KSR1: variants seen among roughly 807,000 people sequenced by gnomAD.
KSR1 encodes kinase suppressor of ras.
In KSR1, 35 loss-of-function variants were observed where a neutral mutation model predicts 92.9. The observed-to-expected ratio is 0.38, with a 90% CI of 0.29 to 0.50. The LOEUF is 0.50. Ranked by LOEUF, KSR1 falls within the 20% of genes least tolerant of loss-of-function variation. The probability of loss-of-function intolerance (pLI) is 0.94; values close to 1 mark genes in which losing one functional copy is unlikely to be tolerated. For missense variants in KSR1, 972 were observed against 1,158.5 expected (o/e 0.84, Z 2.34); for synonymous variants, 467 against 472.6 (o/e 0.99, Z 0.15).
intron 1 of KSR1, among the ~76,000 whole-genome samples, chr17:27,503,483 G>A (rs889751056): frequency 6.6e-6 from 1 of 152,192 alleles, no homozygotes. Context: ...CAAATCACTT[G>A]AGGTCAGAAG....
chr17:27,592,216 T>C (rs2073189634), intron 7 of KSR1, 145 bp from the exon 8 acceptor site: 1 of 680,146 alleles, frequency 1.5e-6, no homozygotes. Flanking sequence ...ATTAATATCA[T>C]GATGTTCTCT....
At chr17:27,572,967 G>A (rs1276642008) in intron 2 of KSR1, among the ~76,000 whole-genome samples, 1 of 152,164 alleles carries the variant, frequency 6.6e-6, no homozygotes, top group East Asian at 1.9e-4. Flanking sequence ...GAGTTGGGAG[G>A]TGGGGCACTT....
At chr17:27,510,923 G>A (rs542788934) in intron 1 of KSR1, among the ~76,000 whole-genome samples, 1 of 152,322 alleles carries the variant, frequency 6.6e-6, no homozygotes, top group South Asian at 2.1e-4. Context: ...CAGGAGCCAT[G>A]TAGCATGTTC....
chr17:27,620,076 C>T (rs2074182643), intron 19 of KSR1, among the ~76,000 whole-genome samples: 2 of 152,246 alleles, frequency 1.3e-5, no homozygotes, highest in East Asian at 1.9e-4. Flanking sequence ...GTTTTCTCTC[C>T]TGCAGAAGTC....
chr17:27,603,207 A>G (rs2073628413), intron 11 of KSR1, among the ~76,000 whole-genome samples: 1 of 152,212 alleles, frequency 6.6e-6, no homozygotes, highest in Non-Finnish European at 1.5e-5. Context: ...GATCAGCCCC[A>G]GCTGCCCACT....
chr17:27,585,571 C>T, intron 4 of KSR1, 86 bp from the exon 5 acceptor site: 2 of 721,752 alleles, frequency 2.8e-6, no homozygotes, highest in Non-Finnish European at 5.2e-6. Context: ...AGCCCCTTGC[C>T]TGCTCCCGCC....
At chr17:27,595,615 GC>G (rs1033317226) in intron 9 of KSR1, among the ~76,000 whole-genome samples, 15 of 113,134 alleles carry the variant, frequency 1.3e-4, no homozygotes, top group African/African-American at 5.2e-4. Flanking sequence ...CTCTCTCCCT[GC>G]CCCCCACTTT....
At chr17:27,563,708 G>C (rs950250013) in intron 2 of KSR1, among the ~76,000 whole-genome samples, 2 of 152,206 alleles carry the variant, frequency 1.3e-5, no homozygotes, top group Non-Finnish European at 2.9e-5. Flanking sequence ...CCACTGGCAG[G>C]AGAACGCATC....
chr17:27,507,200 C>T lies in KSR1; in HGVS notation c.232-43368C>T, dbSNP rs148558627. ...CTATAATTCCAGCACTTTGGGAGGCCGAGGCAGGCAGATTACGAGGTCAGG... is the reference window on the plus strand; with the variant it reads ...CTATAATTCCAGCACTTTGGGAGGCTGAGGCAGGCAGATTACGAGGTCAGG... On this transcript the variant is annotated intron_variant, in intron 1 of 20. Transcript: ENST00000644974. Among the ~76,000 whole-genome samples, 34 of 152,136 alleles carry T rather than the reference C, an allele frequency of 2.2e-4. No homozygotes were observed. The East Asian group carries it at 6.2e-3, about 28-fold the overall frequency.
chr17:27,625,334 A>G lies in KSR1; in HGVS notation c.*1942A>G, dbSNP rs1023196262. On this transcript the variant is annotated 3_prime_UTR_variant, in exon 21 of 21. Transcript: ENST00000644974. The stretch of plus-strand genomic sequence containing the variant: ...GCAGTGGGCATGCACAGGCCCACAG[A>G]AAGTCAGTCTGGGTTTTGCTTTTCT... The G allele has an allele frequency of 6.6e-6, 1 of 152,300 alleles. No homozygotes were observed. The highest frequency in any genetic ancestry group is 1.5e-5 in the Non-Finnish European group (1 of 68,076). 9.4% of individuals were successfully genotyped at this position (152,300 alleles called of 1,614,324 possible).
chr17:27,603,795 G>T lies in KSR1; in HGVS notation c.1511-39G>T, dbSNP rs780760903. 59 of 1,608,700 alleles carry T rather than the reference G, an allele frequency of 3.7e-5. No homozygotes were observed. In the Middle Eastern group the frequency reaches 9.9e-4, roughly 27 times the overall value. On this transcript the variant is annotated intron_variant, in intron 11 of 20. Coordinates refer to ENST00000644974, the MANE Select transcript of KSR1 (RefSeq NM_001394583.1). The stretch of plus-strand genomic sequence containing the variant: ...ACGGTGTCTCTTTGGGGAGAGGAAA[G>T]CAATCTCATGCTTTGTGTTTGGTTT...
intron 1 of KSR1, among the ~76,000 whole-genome samples, chr17:27,498,390 A>G (rs940248385): frequency 2.6e-5 from 4 of 152,022 alleles, no homozygotes; most frequent in African/African-American, 9.7e-5. Flanking sequence ...CTTACACACA[A>G]CTTGATGTGA....
Position 27,624,379 on chromosome 17 carries a change from C to T in KSR1, c.*987C>T, listed in dbSNP as rs2074296620. ...AAGGTTCTAGAACTGCCCACCTCTT[C>T]CATTTCAGTCCTGCTGAAACCCCTT... On this transcript the variant is annotated 3_prime_UTR_variant, in exon 21 of 21. Transcript: ENST00000644974. The T allele has an allele frequency of 6.6e-6, 1 of 152,344 alleles. No individual in the cohort carries two copies. The highest frequency in any genetic ancestry group is 2.4e-5 in the African/African-American group (1 of 41,474). 9.4% of individuals were successfully genotyped at this position (152,344 alleles called of 1,614,324 possible).
In KSR1 at chr17:27,592,450, C is replaced by T. The variant is rs2278626; in HGVS notation, c.1192+28C>T. 69 of 1,613,096 alleles carry T rather than the reference C, an allele frequency of 4.3e-5. 1 individual carries two copies. In the East Asian group the frequency reaches 1.3e-3, roughly 30 times the overall value. ...GAGTTTTCTGCCTTCCTCTCCTCTG[C>T]CTTCTGGATTTGGGTGAATCTTTAG... On this transcript the variant is annotated intron_variant, in intron 8 of 20. Transcript: ENST00000644974.
chr17:27,489,933 A>G (rs1049595319), intron 1 of KSR1, among the ~76,000 whole-genome samples: 3 of 152,232 alleles, frequency 2.0e-5, no homozygotes, highest in African/African-American at 4.8e-5. Flanking sequence ...GAAAGGGCTG[A>G]CCCAGAAGCT....
At chr17:27,580,741 G>A (rs574456602) in intron 3 of KSR1, among the ~76,000 whole-genome samples, 1 of 152,258 alleles carries the variant, frequency 6.6e-6, no homozygotes, top group Admixed American at 6.5e-5. Flanking sequence ...ATACAGGTGC[G>A]TCAGTCCCTT....
At chr17:27,532,623 G>C (rs929383533) in intron 1 of KSR1, among the ~76,000 whole-genome samples, 1 of 152,258 alleles carries the variant, frequency 6.6e-6, no homozygotes, top group African/African-American at 2.4e-5. Flanking sequence ...TTGTCAGCGG[G>C]TGGGACGGGG....
chr17:27,576,364 T>A (rs759753911), intron 2 of KSR1, among the ~76,000 whole-genome samples: 5 of 152,198 alleles, frequency 3.3e-5, no homozygotes, highest in Non-Finnish European at 5.9e-5. Context: ...ATACCTCTGA[T>A]AAAGTTAGTA....
intron 5 of KSR1, chr17:27,587,716 T>G: frequency 6.6e-6 from 1 of 152,250 alleles, no homozygotes; most frequent in East Asian, 1.9e-4. Flanking sequence ...GAGAGAGTGC[T>G]TCCAGCAGCT....
Sources: gnomAD v4.1 joint callset for allele counts (sites outside exome capture counted in the v4.1 genomes callset) on GRCh38, gnomAD v4.1.1 for gene constraint, MANE v1.5 for transcripts, NCBI Gene and HGNC (gene_info 2026-07-23, HGNC 2026-07-21) for gene names.